The following SRGAP1 variants were observed in gnomAD, a reference collection of about 807,000 sequenced individuals.
SRGAP1 encodes the protein SLIT-ROBO Rho GTPase activating protein 1.
Under a neutral mutation model 121.9 loss-of-function variants are expected in SRGAP1, and 43 were observed. The ratio of observed to expected loss-of-function variants is 0.35; its 90% CI spans 0.28 to 0.46. SRGAP1 has a LOEUF of 0.46. Ranked by LOEUF, SRGAP1 falls within the 20% of genes least tolerant of loss-of-function variation. The pLI is 1.00. For synonymous variants in SRGAP1, 447 were observed against 485.4 expected (o/e 0.92, Z 1.04); for missense variants, 1,102 against 1,350.9 (o/e 0.82, Z 2.89).
chr12:64,088,815 T>C (rs1183208172), intron 11 of SRGAP1, among the ~76,000 whole-genome samples: 1 of 152,172 alleles, frequency 6.6e-6, no homozygotes, highest in African/African-American at 2.4e-5. Context: ...AGCATTACCC[T>C]GCGTCTCCCA....
chr12:63,883,627 A>G (rs1283325513), intron 1 of SRGAP1, among the ~76,000 whole-genome samples: 2 of 151,650 alleles, frequency 1.3e-5, no homozygotes, highest in Non-Finnish European at 2.9e-5. Context: ...CTCTATTTTG[A>G]CATTTCCTTT....
intron 1 of SRGAP1, among the ~76,000 whole-genome samples, chr12:63,931,566 A>G (rs2031477527): frequency 6.6e-6 from 1 of 152,188 alleles, no homozygotes; most frequent in South Asian, 2.1e-4. Flanking sequence ...ATCATTTGAG[A>G]GATTTTCTGC....
At chr12:63,866,543 A>T (rs1052815898) in intron 1 of SRGAP1, among the ~76,000 whole-genome samples, 1 of 152,238 alleles carries the variant, frequency 6.6e-6, no homozygotes, top group African/African-American at 2.4e-5. Context: ...ACATTTATGT[A>T]AGAATGTGTA....
In SRGAP1 at chr12:64,142,364, C is replaced by T; in HGVS notation, c.2950C>T (p.His984Tyr). 6.2e-7 allele frequency: 1 copy of T among 1,614,122 alleles called. No homozygotes were observed. The highest frequency in any genetic ancestry group is 8.5e-7 in the Non-Finnish European group (1 of 1,180,016). Residue 984 changes from histidine to tyrosine, a missense_variant, in exon 22 of 22, where the codon CAT becomes TAT. Physicochemically the swap from His to Tyr is moderately conservative, Grantham distance 83. This residue lies in a region of SRGAP1 where 315 missense variants were observed against 343.1 expected (regional missense o/e 0.92). Coordinates refer to ENST00000355086, the MANE Select transcript of SRGAP1 (RefSeq NM_020762.4). Reference sequence around the variant, plus strand: ...ACTGGAGAGACAGAGCACAGCAAAGCATGCCCCTGATGTGGTGCTGGATAC... The same window carrying T: ...ACTGGAGAGACAGAGCACAGCAAAGTATGCCCCTGATGTGGTGCTGGATAC... Reference protein sequence around the residue: ...RELERQSTAKHAPDVVLDTLE... With the variant: ...RELERQSTAKYAPDVVLDTLE...
intron 1 of SRGAP1, among the ~76,000 whole-genome samples, chr12:63,955,474 CTTAAT>C (rs2032436051): frequency 6.6e-6 from 1 of 151,906 alleles, no homozygotes; most frequent in African/African-American, 2.4e-5. Context: ...TTCTTAAATA[CTTAAT>C]TTAGTTAGAC....
chr12:64,066,851 T>C (rs1359416986), intron 8 of SRGAP1, among the ~76,000 whole-genome samples: 1 of 152,230 alleles, frequency 6.6e-6, no homozygotes, highest in African/African-American at 2.4e-5. Context: ...TGGATCCTAT[T>C]CTATCTACAG....
chr12:63,895,363 T>C lies in SRGAP1; in HGVS notation c.67+50480T>C, dbSNP rs1986492. ...GGATGTTTAGCCCTCTGCCGTCCAA[T>C]ACAGTAGTAACTAGCCACATTTGAC... is the stretch of plus-strand genomic sequence containing the variant. On this transcript the variant is annotated intron_variant, in intron 1 of 21. Coordinates refer to ENST00000355086, the MANE Select transcript of SRGAP1 (RefSeq NM_020762.4). Among the ~76,000 whole-genome samples the C allele has an allele frequency of 6.0e-3, 913 of 152,330 alleles. 7 individuals carry two copies. Among genetic ancestry groups the C allele is most frequent in the Admixed American group, 9.9e-3 (152 of 15,304 alleles).
At chr12:64,056,339 C>T (rs1340172639) in intron 6 of SRGAP1, among the ~76,000 whole-genome samples, 4 of 151,886 alleles carry the variant, frequency 2.6e-5, no homozygotes, top group Non-Finnish European at 5.9e-5. Flanking sequence ...TATTGAAAAA[C>T]ATAAATCACT....
chr12:63,845,625 A>G (rs558955666), intron 1 of SRGAP1, among the ~76,000 whole-genome samples: 51 of 137,864 alleles, frequency 3.7e-4, no homozygotes, highest in Non-Finnish European at 3.7e-4. Flanking sequence ...AAACCTAATT[A>G]AGGCTGATTA....
chr12:63,850,445 T>C (rs1899038868), intron 1 of SRGAP1, among the ~76,000 whole-genome samples: 1 of 137,286 alleles, frequency 7.3e-6, no homozygotes, highest in East Asian at 2.2e-4. Context: ...TTTTTTTTTT[T>C]CTTCAAGACA....
At chr12:64,129,487 C>T (rs2036749949) in intron 21 of SRGAP1, among the ~76,000 whole-genome samples, 1 of 152,102 alleles carries the variant, frequency 6.6e-6, no homozygotes, top group African/African-American at 2.4e-5. Flanking sequence ...CTCTGGCAAC[C>T]CCCTCACAGA....
intron 14 of SRGAP1, among the ~76,000 whole-genome samples, chr12:64,096,386 T>C (rs2036155357): frequency 6.6e-6 from 1 of 152,214 alleles, no homozygotes; most frequent in Non-Finnish European, 1.5e-5. Context: ...TGCACACTTT[T>C]TGTGAACTTT....
chr12:63,983,843 T>C (rs61931172), intron 1 of SRGAP1, 104 bp from the exon 2 acceptor site: 1 of 105,542 alleles, frequency 9.5e-6, no homozygotes, highest in Admixed American at 1.0e-4. Context: ...TATATATATA[T>C]ATATATATAT....
intron 4 of SRGAP1, chr12:64,032,270 G>A: frequency 3.6e-6 from 1 of 275,132 alleles, no homozygotes; most frequent in Non-Finnish European, 7.1e-6. Flanking sequence ...CCTTCCCACT[G>A]CAAAGGGCCT....
At chr12:64,000,110 C>A (rs1313560502) in intron 3 of SRGAP1, among the ~76,000 whole-genome samples, 1 of 151,886 alleles carries the variant, frequency 6.6e-6, no homozygotes, top group Non-Finnish European at 1.5e-5. Context: ...GCAGTCTGGG[C>A]AGAATGGCAG....
intron 1 of SRGAP1, among the ~76,000 whole-genome samples, chr12:63,897,085 T>C (rs745444497): frequency 5.3e-5 from 8 of 152,294 alleles, no homozygotes; most frequent in African/African-American, 9.6e-5. Flanking sequence ...TTTTATATAA[T>C]AGACATAAAT....
At chr12:63,996,508 A>G (rs953015914) in intron 3 of SRGAP1, among the ~76,000 whole-genome samples, 2 of 152,052 alleles carry the variant, frequency 1.3e-5, no homozygotes, top group Admixed American at 6.6e-5. Context: ...TTAGAATTTC[A>G]TGTCTTGAAT....
chr12:64,038,202 T>C (rs1679413211), intron 4 of SRGAP1, among the ~76,000 whole-genome samples: 1 of 152,206 alleles, frequency 6.6e-6, no homozygotes, highest in African/African-American at 2.4e-5. Flanking sequence ...CGTAAAATGC[T>C]GAAAAGTATG....
intron 6 of SRGAP1, among the ~76,000 whole-genome samples, chr12:64,060,740 T>G (rs1305161653): frequency 6.6e-6 from 1 of 152,194 alleles, no homozygotes; most frequent in Non-Finnish European, 1.5e-5. Flanking sequence ...TGAAGACAGA[T>G]CCAATGTTTC....
Sources: gnomAD v4.1 joint callset for allele counts (sites outside exome capture counted in the v4.1 genomes callset) on GRCh38, gnomAD v4.1.1 for gene constraint, gnomAD v4.1.1 regional missense constraint, MANE v1.5 for transcripts, NCBI Gene and HGNC (gene_info 2026-07-23, HGNC 2026-07-21) for gene names.